The following FER1L6 variants were observed in gnomAD, a reference collection of about 807,000 sequenced individuals.
The protein encoded by FER1L6 is fer-1 like family member 6.
A neutral mutation model predicts 219.2 loss-of-function variants in FER1L6; 177 were observed. The ratio of observed to expected loss-of-function variants is 0.81; its 90% CI spans 0.71 to 0.91. FER1L6 has a LOEUF of 0.91. FER1L6 is among the 40% of genes least tolerant of loss of function. The probability of loss-of-function intolerance (pLI) is 0.00; values close to 1 mark genes in which losing one functional copy is unlikely to be tolerated. For missense variants in FER1L6, 2,153 were observed against 2,259.9 expected (o/e 0.95, Z 0.96); for synonymous variants, 768 against 824.3 (o/e 0.93, Z 1.17).
At chr8:123,877,710 C>T (rs537399592) in intron 1 of FER1L6, among the ~76,000 whole-genome samples, 51 of 150,468 alleles carry the variant, frequency 3.4e-4, no homozygotes, top group Non-Finnish European at 6.8e-4. Context: ...AAAAATCCAC[C>T]GGAATATGTA....
intron 39 of FER1L6, among the ~76,000 whole-genome samples, chr8:124,105,036 C>T (rs4430074): frequency 0.81 from 122,622 of 152,112 alleles, 49,688 homozygotes; most frequent in Non-Finnish European, 0.86. Context: ...AGCAATGACT[C>T]AGAACAAAGG....
rs185160628 is a variant in FER1L6, at chr8:124,097,127, C to T, written c.4696-144C>T. On this transcript the variant is annotated intron_variant, in intron 35 of 40. Transcript: ENST00000522917. ...TACATACTTTTTTTGTCAACAGATA[C>T]GCTAAATATACATCTATAAAACTAC... 71 of 417,694 alleles carry T rather than the reference C, an allele frequency of 1.7e-4. 1 individual carries two copies. Among genetic ancestry groups the T allele is most frequent in the South Asian group, 3.2e-4 (6 of 18,618 alleles). 25.9% of individuals were successfully genotyped at this position (417,694 alleles called of 1,614,324 possible). A position where few individuals can be genotyped will look rare whatever the true frequency, so the allele number is the denominator to read the frequency against.
chr8:123,913,827 C>T (rs762576510), intron 1 of FER1L6, among the ~76,000 whole-genome samples: 5 of 151,154 alleles, frequency 3.3e-5, no homozygotes, highest in African/African-American at 9.7e-5. Context: ...CTGTAATCTT[C>T]GTAATTTTCT....
At chr8:123,981,202 A>G (rs866053707) in intron 11 of FER1L6, among the ~76,000 whole-genome samples, 97 of 152,316 alleles carry the variant, frequency 6.4e-4, no homozygotes, top group African/African-American at 2.2e-3. Flanking sequence ...TGAGGAATGA[A>G]GAGGAGGAAG....
At chr8:123,917,241 G>A (rs77360585) in intron 1 of FER1L6, among the ~76,000 whole-genome samples, 5,737 of 152,280 alleles carry the variant, frequency 0.038, 155 homozygotes, top group Non-Finnish European at 0.06. Flanking sequence ...GACTGATGGT[G>A]ACCAGACACA....
intron 1 of FER1L6, among the ~76,000 whole-genome samples, chr8:123,933,449 G>A (rs1246291929): frequency 6.6e-6 from 1 of 151,938 alleles, no homozygotes; most frequent in Non-Finnish European, 1.5e-5. Context: ...CAGACACAGG[G>A]ATCAGGTTTT....
intron 1 of FER1L6, among the ~76,000 whole-genome samples, chr8:123,934,269 G>T (rs1813897036): frequency 6.6e-6 from 1 of 152,164 alleles, no homozygotes; most frequent in African/African-American, 2.4e-5. Context: ...CACATGTTCT[G>T]ATTTCTCCAT....
chr8:124,017,577 T>C (rs1454361432), intron 15 of FER1L6, 51 bp from the exon 16 acceptor site: 2 of 1,379,204 alleles, frequency 1.5e-6, no homozygotes, highest in South Asian at 1.2e-5. Flanking sequence ...TGGAATTATA[T>C]AAATGGATTT....
chr8:123,965,060 T>G (rs961642128), intron 3 of FER1L6, among the ~76,000 whole-genome samples: 1 of 152,206 alleles, frequency 6.6e-6, no homozygotes, highest in African/African-American at 2.4e-5. Context: ...ACCAATTAAA[T>G]GATATTTACC....
chr8:123,863,783 T>A (rs1164978266), intron 1 of FER1L6, among the ~76,000 whole-genome samples: 1 of 149,108 alleles, frequency 6.7e-6, no homozygotes, highest in Non-Finnish European at 1.5e-5. Context: ...GTCTGTTTTA[T>A]CAGAGACTAG....
chr8:123,921,010 G>T (rs960564152), intron 1 of FER1L6, among the ~76,000 whole-genome samples: 28 of 152,146 alleles, frequency 1.8e-4, no homozygotes, highest in African/African-American at 6.5e-4. Context: ...CATCCATGTT[G>T]TGGCATGTGA....
intron 1 of FER1L6, among the ~76,000 whole-genome samples, chr8:123,865,707 G>A (rs1366082042): frequency 1.3e-5 from 2 of 151,302 alleles, no homozygotes; most frequent in Non-Finnish European, 2.9e-5. Context: ...AAGCCGGTCT[G>A]AAAAGCGCAA....
At chr8:123,858,095 C>T (rs1328014038) in intron 1 of FER1L6, among the ~76,000 whole-genome samples, 1 of 152,158 alleles carries the variant, frequency 6.6e-6, no homozygotes, top group Non-Finnish European at 1.5e-5. Flanking sequence ...AGAGGAAATG[C>T]TCCCCACTCT....
chr8:123,935,816 T>C (rs1035462786), intron 1 of FER1L6, among the ~76,000 whole-genome samples: 1 of 152,182 alleles, frequency 6.6e-6, no homozygotes, highest in Non-Finnish European at 1.5e-5. Flanking sequence ...ACTATAAGAT[T>C]CTGTTTGCCT....
At position 123,956,070 on chromosome 8, in the gene FER1L6, G is replaced by A. The variant is rs1035179415; in HGVS notation, c.72G>A (p.Ala24=). Residue 24 remains alanine (A), a synonymous_variant, in exon 2 of 41, where the codon GCG becomes GCA. Coordinates refer to ENST00000522917, the MANE Select transcript of FER1L6 (RefSeq NM_001039112.2). ...EKGLILANKA[A]KDSQGDTEAL... ...GGTTAATCCTAGCCAACAAGGCTGC[G>A]AAAGGTGAGGCTGGGGGTGGGGTGC... 7.5e-6 allele frequency: 12 copies of A among 1,609,916 alleles called. No individual in the cohort carries two copies. The highest frequency in any genetic ancestry group is 1.7e-4 in the Middle Eastern group (1 of 5,930).
chr8:123,935,845 TGG>T (rs1258603103), intron 1 of FER1L6, among the ~76,000 whole-genome samples: 2 of 152,074 alleles, frequency 1.3e-5, no homozygotes, highest in African/African-American at 4.8e-5. Flanking sequence ...TTTTAATTTT[TGG>T]TGCTGTCATG....
intron 1 of FER1L6, among the ~76,000 whole-genome samples, chr8:123,887,693 A>G (rs1016183859): frequency 2.5e-4 from 16 of 63,340 alleles, no homozygotes; most frequent in Admixed American, 8.6e-4. Context: ...CTTGTTTGAA[A>G]TTGTTGTGTG....
chr8:124,064,747 T>C (rs4871460), intron 26 of FER1L6, among the ~76,000 whole-genome samples, 174 bp downstream of exon 26: 124,595 of 152,232 alleles, frequency 0.82, 51,178 homozygotes, highest in Non-Finnish European at 0.86. Flanking sequence ...AGCTTTGTTA[T>C]AGGATCAGAA....
chr8:124,069,371 G>A lies in FER1L6; in HGVS notation c.3730G>A (p.Asp1244Asn), dbSNP rs754041999. 2 of 1,612,224 alleles carry A rather than the reference G, an allele frequency of 1.2e-6. No individual in the cohort carries two copies. Among genetic ancestry groups the A allele is most frequent in the Non-Finnish European group, 1.7e-6 (2 of 1,179,198 alleles). ...CTGAATATCCACAGAGGCAAAGCCA[G>A]ATGAGGTAGTGGTAGATATAGAAGA... ...GKKGNTEAKP[D>N]EVVVDIEDGP... Residue 1244 changes from aspartate to asparagine, a missense_variant, in exon 29 of 41, where the codon GAT (aspartate) becomes AAT (asparagine). Physicochemically the swap from Asp to Asn is conservative, Grantham distance 23 (BLOSUM62 1). Transcript: ENST00000522917.
Sources: allele counts gnomAD v4.1 joint callset (sites outside exome capture counted in the v4.1 genomes callset), GRCh38; gene constraint gnomAD v4.1.1; transcripts MANE v1.5; gene names NCBI Gene and HGNC (gene_info 2026-07-23, HGNC 2026-07-21).